Variants in SPEG observed in about 807,000 individuals in gnomAD.
SPEG encodes the protein striated muscle preferentially expressed protein kinase.
A neutral mutation model predicts 300.4 loss-of-function variants in SPEG; 114 were observed. That is an observed-to-expected ratio of 0.38 (90% CI 0.33 to 0.44). The LOEUF is 0.44. SPEG is among the 20% of genes least tolerant of loss of function. The pLI, the probability that SPEG is intolerant of heterozygous loss-of-function variation, is 1.00. For synonymous variants in SPEG, 1,964 were observed against 2,018.9 expected (o/e 0.97, Z 0.73); for missense variants, 4,201 against 4,586.2 (o/e 0.92, Z 2.43).
Position 219,477,222 on chromosome 2 carries a change from C to CAG in SPEG, c.4561-55_4561-54insAG. On this transcript the variant is annotated intron_variant, in intron 19 of 40. Coordinates refer to ENST00000312358, the MANE Select transcript of SPEG (RefSeq NM_005876.5). This position sits in a 1 kb window ranked among gnomAD's most constrained non-coding sequence, Gnocchi z 6.4. ...CCCAGAGTAGGAGATGAGGCCCTGGCCCCAAGGTAGAGATGAGGCCAGGCC... is the reference window on the plus strand; with the variant it reads ...CCCAGAGTAGGAGATGAGGCCCTGGCAGCCCAAGGTAGAGATGAGGCCAGGCC... 3.9e-6 allele frequency: 6 copies of CAG among 1,554,768 alleles called. No homozygotes were observed. Among genetic ancestry groups the CAG allele is most frequent in the South Asian group, 1.2e-5 (1 of 83,642 alleles).
chr2:219,460,028 C>G (rs1690519237), intron 6 of SPEG, among the ~76,000 whole-genome samples: 1 of 152,240 alleles, frequency 6.6e-6, no homozygotes, highest in African/African-American at 2.4e-5. Context: ...TTCCCCATCC[C>G]AGATACAAAT....
At chr2:219,449,890 C>A (rs1192299042) in intron 4 of SPEG, among the ~76,000 whole-genome samples, 1 of 152,108 alleles carries the variant, frequency 6.6e-6, no homozygotes, top group Non-Finnish European at 1.5e-5. Context: ...TGTGTTGTCT[C>A]CCAACCTTCC....
chr2:219,492,880 G>T lies in SPEG; in HGVS notation c.*94G>T. Reference sequence around the variant, plus strand: ...GCCCACGCTGAGCCAGGCGGGCCTGGGGCTTCGGTTACCACCAGCAGCAAC... The same window carrying T: ...GCCCACGCTGAGCCAGGCGGGCCTGTGGCTTCGGTTACCACCAGCAGCAAC... On this transcript the variant is annotated 3_prime_UTR_variant, in exon 41 of 41. Coordinates refer to ENST00000312358, the MANE Select transcript of SPEG (RefSeq NM_005876.5). 1 of 1,291,730 alleles carries T rather than the reference G, an allele frequency of 7.7e-7. No homozygotes were observed. Among genetic ancestry groups the T allele is most frequent in the Non-Finnish European group, 1.1e-6 (1 of 925,788 alleles). The allele number at this position is 1,291,730 out of a possible 1,614,324, so 80.0% of individuals were successfully genotyped here. A position where few individuals can be genotyped will look rare whatever the true frequency, so the allele number is the denominator to read the frequency against.
At chr2:219,483,012 C>T (rs1441178252) in intron 29 of SPEG, 86 bp from the exon 30 acceptor site, 1 of 1,471,482 alleles carries the variant, frequency 6.8e-7, no homozygotes, top group Non-Finnish European at 9.3e-7. Context: ...CATGCTCAGG[C>T]CTCTTCCCCA....
rs1693090518 is a variant in SPEG at position 219,483,736 on chromosome 2, G to A, written c.6273G>A (p.Leu2091=). 3.3e-6 allele frequency: 5 copies of A among 1,537,730 alleles called. No individual in the cohort carries two copies. The highest frequency in any genetic ancestry group is 3.5e-6 in the Non-Finnish European group (4 of 1,148,526). Residue 2091 remains leucine, a synonymous_variant, in exon 30 of 41, where the codon CTG becomes CTA. Transcript: ENST00000312358. ...DGKVSGLRGP[L]LESLGGRARD... is the part of the protein sequence containing the mutation. ...AGGTCAGCGGCCTCAGGGGTCCCCT[G>A]CTGGAGAGCCTGGGGGGCCGTGCTC...
At chr2:219,468,419 C>G (rs1691574231) in intron 10 of SPEG, among the ~76,000 whole-genome samples, 159 bp from the exon 11 acceptor site, 1 of 152,200 alleles carries the variant, frequency 6.6e-6, no homozygotes, top group Non-Finnish European at 1.5e-5. Flanking sequence ...GAGGTCTAGT[C>G]TCTGGATCTG....
Position 219,489,858 on chromosome 2 carries a change from G to A in SPEG, c.8840G>A (p.Arg2947Gln), listed in dbSNP as rs774073561. The A allele has an allele frequency of 1.1e-5, 18 of 1,611,964 alleles. No homozygotes were observed. The highest frequency in any genetic ancestry group is 1.4e-5 in the Non-Finnish European group (16 of 1,178,826). The change falls in exon 36 of 41, where the codon CGA (arginine) becomes CAA (glutamine). Residue 2947 changes from arginine to glutamine, a missense_variant. Arg to Gln is a conservative substitution (Grantham distance 43). Around this residue, in one of 4 missense-constraint regions of SPEG, gnomAD observed 1,578 missense variants for 1,506.0 expected, o/e 1.05. Transcript: ENST00000312358. Reference sequence around the variant, plus strand: ...GTCAGCTCCCCTGGGAGCAGTCCCCGAAGCTCTCCCAGGCCTGAGGGTACC... The same window carrying A: ...GTCAGCTCCCCTGGGAGCAGTCCCCAAAGCTCTCCCAGGCCTGAGGGTACC... ...EVVSSPGSSP[R>Q]SSPRPEGTTL...
At position 219,477,158 on chromosome 2, in the gene SPEG, G is replaced by T; in HGVS notation, c.4561-119G>T. 9.5e-7 allele frequency: 1 copy of T among 1,053,070 alleles called. No homozygotes were observed. The allele number at this position is 1,053,070 out of a possible 1,614,324, so 65.2% of individuals were successfully genotyped here. A position where few individuals can be genotyped will look rare whatever the true frequency, so the allele number is the denominator to read the frequency against. On this transcript the variant is annotated intron_variant, in intron 19 of 40. Transcript: ENST00000312358. This position sits in a 1 kb window ranked among gnomAD's most constrained non-coding sequence, Gnocchi z 6.4. ...GTGCAGGGCTTTCTGTGGGAGATAA[G>T]GGAGGAGCTGACTCTGGGTCCTGGT...
At chr2:219,482,942 CCT>C in intron 29 of SPEG, 90 bp downstream of exon 29, 2 of 1,438,308 alleles carry the variant, frequency 1.4e-6, no homozygotes, top group South Asian at 2.4e-5. Context: ...ATCTCCTGCT[CCT>C]GTCTTCTCGC....
rs1036034131 is a variant in SPEG at position 219,473,401 on chromosome 2, G to A, written c.4148-103G>A. ...TCTCTGAGCTTCAGCTTTCCCATCT[G>A]TAAAAACGGAACTCAAGTGTTGATG... On this transcript the variant is annotated intron_variant, in intron 16 of 40. Transcript: ENST00000312358. The surrounding 1 kb of genome is among the most constrained non-coding windows in gnomAD (Gnocchi z 4.6). 3.4e-6 allele frequency: 4 copies of A among 1,182,692 alleles called. No homozygotes were observed. Among genetic ancestry groups the A allele is most frequent in the East Asian group, 2.4e-5 (1 of 42,212 alleles). The allele number at this position is 1,182,692 out of a possible 1,614,324, so 73.3% of individuals were successfully genotyped here. A position where few individuals can be genotyped will look rare whatever the true frequency, so the allele number is the denominator to read the frequency against.
chr2:219,482,542 G>T (rs574657028), intron 28 of SPEG: 112 of 519,944 alleles, frequency 2.2e-4, no homozygotes, highest in Middle Eastern at 5.0e-4. Flanking sequence ...CTACCTAGGG[G>T]AGCCACCAGT....
rs200713879 is a variant in SPEG at position 219,473,066 on chromosome 2, C to G, written c.4117C>G (p.Pro1373Ala). The change falls in exon 16 of 41, where the codon CCT becomes GCT. Residue 1373 changes from proline (P) to alanine (A), a missense_variant. Transcript: ENST00000312358. This position sits in a 1 kb window ranked among gnomAD's most constrained non-coding sequence, Gnocchi z 4.6. ...CAAGAGCAGCAGCAAGCCCTCACCC[C>G]CTTCTGAGCCTGTGCAGCTGCTGGA... ...TVKSSSKPSPPSEPVQLLEHG... is the reference protein window; with the variant it reads ...TVKSSSKPSPASEPVQLLEHG... The G allele has an allele frequency of 1.1e-4, 178 of 1,613,896 alleles. 1 individual carries two copies. The Middle Eastern group carries it at 2.3e-3, about 21-fold the overall frequency.
chr2:219,481,554 A>G lies in SPEG; in HGVS notation c.5523-84A>G, dbSNP rs941967776. On this transcript the variant is annotated intron_variant, in intron 27 of 40. Coordinates refer to ENST00000312358, the MANE Select transcript of SPEG (RefSeq NM_005876.5). The surrounding 1 kb of genome is among the most constrained non-coding windows in gnomAD (Gnocchi z 5.4). The stretch of plus-strand genomic sequence containing the variant: ...CTGCCCCTCGACATGCAAGCCCCCA[A>G]CTCCTTAGGAGCCCTGTTTGCTCAG... The G allele has an allele frequency of 3.1e-6, 5 of 1,604,238 alleles. No homozygotes were observed. The highest frequency in any genetic ancestry group is 2.2e-5 in the East Asian group (1 of 44,786).
In SPEG at chr2:219,472,247, G is replaced by C. The variant is rs1387089662; in HGVS notation, c.3856G>C (p.Asp1286His). The part of the protein sequence containing the change: ...YVTDVVPGPP[D>H]GAPQVVAVTG... ...TTCAGATGTGGTCCCAGGCCCTCCA[G>C]ATGGCGCCCCGCAGGTGGTGGCTGT... The change falls in exon 15 of 41, where the codon GAT (aspartate) becomes CAT (histidine). Residue 1286 changes from aspartate to histidine, a missense_variant. Physicochemically the swap from Asp to His is moderately conservative, Grantham distance 81. Coordinates refer to ENST00000312358, the MANE Select transcript of SPEG (RefSeq NM_005876.5). 2 of 1,613,750 alleles carry C rather than the reference G, an allele frequency of 1.2e-6. No homozygotes were observed. Among genetic ancestry groups the C allele is most frequent in the African/African-American group, 2.7e-5 (2 of 74,952 alleles).
In SPEG at chr2:219,484,963, T is replaced by C. The variant is rs916164058; in HGVS notation, c.7500T>C (p.Ser2500=). ...GCAGGGCCACGTCCGAGGGCGAGAG[T>C]CTGCGGCGCCTTGGCCTTCCGCACA... The part of the protein sequence containing the change: ...RLRRATSEGE[S]LRRLGLPHNQ... Residue 2500 remains serine (S), a synonymous_variant, in exon 30 of 41, where the codon AGT becomes AGC. Transcript: ENST00000312358. The C allele has an allele frequency of 2.6e-6, 4 of 1,528,578 alleles. No homozygotes were observed. In the African/African-American group the frequency reaches 5.5e-5, roughly 21 times the overall value. The allele number at this position is 1,528,578 out of a possible 1,614,324, so 94.7% of individuals were successfully genotyped here.
chr2:219,454,189 G>A (rs1689994163), intron 6 of SPEG, among the ~76,000 whole-genome samples: 1 of 152,214 alleles, frequency 6.6e-6, no homozygotes, highest in Non-Finnish European at 1.5e-5. Flanking sequence ...TCAATTCCTG[G>A]TTGGGAGCCA....
Position 219,473,636 on chromosome 2 carries a change from C to T in SPEG, c.4271+9C>T. ...CAGGTCGTCTGGAGGAGGTGGGCCC[C>T]TTTCCCACATGTGGCAGCCCAGGTC... On this transcript the variant is annotated intron_variant, in intron 17 of 40. Transcript: ENST00000312358. The surrounding 1 kb of genome is among the most constrained non-coding windows in gnomAD (Gnocchi z 4.6). 6.2e-7 allele frequency: 1 copy of T among 1,614,188 alleles called. No homozygotes were observed. Among genetic ancestry groups the T allele is most frequent in the South Asian group, 1.1e-5 (1 of 91,086 alleles).
In SPEG at chr2:219,481,873, T is replaced by G. The variant is rs1370861768; in HGVS notation, c.5565+193T>G. On this transcript the variant is annotated intron_variant, in intron 28 of 40. Coordinates refer to ENST00000312358, the MANE Select transcript of SPEG (RefSeq NM_005876.5). This position sits in a 1 kb window ranked among gnomAD's most constrained non-coding sequence, Gnocchi z 5.4. ...CCATTTTGTTGACAAGGAAACAGGCTCTAATCAGTGATGGAGTTGGGGGTA... is the reference window on the plus strand; with the variant it reads ...CCATTTTGTTGACAAGGAAACAGGCGCTAATCAGTGATGGAGTTGGGGGTA... 1.3e-5 allele frequency among the ~76,000 whole-genome samples: 2 copies of G among 152,222 alleles called. No homozygotes were observed. Among genetic ancestry groups the G allele is most frequent in the South Asian group, 2.1e-4 (1 of 4,828 alleles).
Position 219,451,157 on chromosome 2 carries a change from T to C in SPEG, c.2135T>C (p.Val712Ala). The C allele has an allele frequency of 6.2e-7, 1 of 1,613,408 alleles. No homozygotes were observed. The highest frequency in any genetic ancestry group is 8.5e-7 in the Non-Finnish European group (1 of 1,179,730). ...GCAGAGTCTTCGGATGACTCCTACGTGTCCGCTGGAGAAGAGCCCCTAGAG... is the reference window on the plus strand; with the variant it reads ...GCAGAGTCTTCGGATGACTCCTACGCGTCCGCTGGAGAAGAGCCCCTAGAG... ...PELESSDDSY[V>A]SAGEEPLEAP... The change falls in exon 5 of 41, where the codon GTG becomes GCG. Residue 712 changes from valine (V) to alanine (A), a missense_variant. Transcript: ENST00000312358. This position sits in a 1 kb window ranked among gnomAD's most constrained non-coding sequence, Gnocchi z 6.4.
Sources: allele counts gnomAD v4.1 joint callset (sites outside exome capture counted in the v4.1 genomes callset), GRCh38; gene constraint gnomAD v4.1.1; regional missense constraint gnomAD v4.1.1; non-coding constraint Gnocchi (gnomAD v3.1); transcripts MANE v1.5; gene names NCBI Gene and HGNC (gene_info 2026-07-23, HGNC 2026-07-21).